The following FOCAD variants were observed in gnomAD, a reference collection of about 807,000 sequenced individuals.
FOCAD encodes KIAA1797.
A neutral mutation model predicts 225.6 loss-of-function variants in FOCAD; 198 were observed. The observed-to-expected ratio is 0.88, with a 90% CI of 0.78 to 0.99. The LOEUF (loss-of-function observed/expected upper bound fraction) is 0.99. Ranked by LOEUF, FOCAD falls within the 50% of genes least tolerant of loss-of-function variation. The probability of loss-of-function intolerance (pLI) is 0.00; values close to 1 mark genes in which losing one functional copy is unlikely to be tolerated. For synonymous variants in FOCAD, 897 were observed against 755.0 expected (o/e 1.19, Z -3.08); for missense variants, 2,713 against 2,123.6 (o/e 1.28, Z -5.46).
chr9:20,826,788 C>CG (rs1824937893), intron 15 of FOCAD, among the ~76,000 whole-genome samples: 1 of 152,032 alleles, frequency 6.6e-6, no homozygotes, highest in South Asian at 2.1e-4. Flanking sequence ...TGGTTACTCC[C>CG]GGGCTTGTTT....
intron 2 of FOCAD, among the ~76,000 whole-genome samples, chr9:20,668,187 T>G (rs1821951289): frequency 6.6e-6 from 1 of 152,214 alleles, no homozygotes; most frequent in African/African-American, 2.4e-5. Flanking sequence ...AAATTTCCCT[T>G]TGTTTTCCTC....
intron 27 of FOCAD, among the ~76,000 whole-genome samples, chr9:20,930,943 C>G (rs1370837400): frequency 6.6e-6 from 1 of 152,164 alleles, no homozygotes; most frequent in South Asian, 2.1e-4. Flanking sequence ...AAATGACAGT[C>G]TCTCCACCAT....
chr9:20,828,013 A>G (rs980721518), intron 15 of FOCAD, among the ~76,000 whole-genome samples: 10 of 152,018 alleles, frequency 6.6e-5, no homozygotes, highest in Non-Finnish European at 1.5e-4. Context: ...CTCTATAAAA[A>G]TATGAAAAAT....
At chr9:20,822,246 G>A (rs1824414099) in intron 14 of FOCAD, among the ~76,000 whole-genome samples, 2 of 151,782 alleles carry the variant, frequency 1.3e-5, no homozygotes, top group South Asian at 2.1e-4. Context: ...TTTTCATTTT[G>A]GAAAATTATT....
At chr9:20,788,258 A>G (rs891921817) in intron 10 of FOCAD, among the ~76,000 whole-genome samples, 3 of 152,214 alleles carry the variant, frequency 2.0e-5, no homozygotes, top group African/African-American at 7.2e-5. Context: ...AATGACCAGT[A>G]TGGAACCAGA....
At chr9:20,953,102 C>A (rs1337275890) in intron 35 of FOCAD, 37 bp downstream of exon 35, 1 of 1,522,584 alleles carries the variant, frequency 6.6e-7, no homozygotes. Context: ...ATCATTCTAT[C>A]TCCATGTTGT....
chr9:20,819,395 G>C (rs180792958), intron 11 of FOCAD, among the ~76,000 whole-genome samples: 1 of 151,910 alleles, frequency 6.6e-6, no homozygotes, highest in Non-Finnish European at 1.5e-5. Flanking sequence ...AAAGTTTTTT[G>C]TAGAGACAGG....
chr9:20,658,085 TGCTCAGG>T (rs1437459006), upstream of FOCAD, among the ~76,000 whole-genome samples: 1 of 148,526 alleles, frequency 6.7e-6, no homozygotes, highest in Non-Finnish European at 1.5e-5. Context: ...CCAGTTAGGC[TGCTCAGG>T]GGTCAGGGGT....
chr9:20,944,493 C>T (rs942622435), intron 28 of FOCAD, 134 bp from the exon 29 acceptor site: 4 of 877,266 alleles, frequency 4.6e-6, no homozygotes, highest in Non-Finnish European at 7.0e-6. Flanking sequence ...TGGGGCACAC[C>T]ATCTACTAGG....
intron 31 of FOCAD, 23 bp from the exon 32 acceptor site, chr9:20,948,828 A>C: frequency 6.2e-7 from 1 of 1,612,248 alleles, no homozygotes; most frequent in African/African-American, 1.3e-5. Flanking sequence ...CCCTCTTTTC[A>C]TATTCTGATG....
At position 20,855,764 on chromosome 9, in the gene FOCAD, C is replaced by G. The variant is rs189497617; in HGVS notation, c.1921-6814C>G. 3.9e-3 allele frequency among the ~76,000 whole-genome samples: 585 copies of G among 150,418 alleles called. 4 individuals are homozygous for G. Among genetic ancestry groups the G allele is most frequent in the African/African-American group, 0.013 (552 of 41,182 alleles). On this transcript the variant is annotated intron_variant, in intron 15 of 43. Coordinates refer to ENST00000338382, the MANE Select transcript of FOCAD (RefSeq NM_001375567.1). ...CCAGCTCCTTGCCACCCTTTGCAGC[C>G]TCTGTTAACCATCATTTTACCCCTA... is the stretch of plus-strand genomic sequence containing the variant.
intron 7 of FOCAD, among the ~76,000 whole-genome samples, chr9:20,765,902 A>C (rs1339429878): frequency 6.6e-6 from 1 of 152,202 alleles, no homozygotes; most frequent in Non-Finnish European, 1.5e-5. Context: ...ACTTGAGGTC[A>C]CACATGACCT....
intron 2 of FOCAD, among the ~76,000 whole-genome samples, chr9:20,677,561 G>T (rs1822271350): frequency 6.6e-6 from 1 of 151,962 alleles, no homozygotes; most frequent in Non-Finnish European, 1.5e-5. Context: ...GGACCTGATA[G>T]ACATTTCTCC....
chr9:20,968,562 C>T (rs1178185129), intron 35 of FOCAD, among the ~76,000 whole-genome samples: 1 of 150,268 alleles, frequency 6.7e-6, no homozygotes, highest in East Asian at 2.0e-4. Flanking sequence ...CTGCCTCAGC[C>T]TCCTGAGTAG....
intron 14 of FOCAD, 128 bp downstream of exon 14, chr9:20,821,199 A>C: frequency 1.3e-6 from 1 of 748,444 alleles, no homozygotes; most frequent in Non-Finnish European, 1.9e-6. Context: ...TTTTTAACTT[A>C]AGTTTTCTGA....
intron 1 of FOCAD, among the ~76,000 whole-genome samples, chr9:20,693,405 G>T (rs1255085802): frequency 1.3e-5 from 2 of 152,038 alleles, no homozygotes; most frequent in Non-Finnish European, 2.9e-5. Context: ...CTCCACTCTG[G>T]TTTACTTTTA....
At chr9:20,699,732 C>A (rs1282187351) in intron 1 of FOCAD, among the ~76,000 whole-genome samples, 2 of 66,554 alleles carry the variant, frequency 3.0e-5, no homozygotes, top group Non-Finnish European at 5.1e-5. Context: ...AGCAAGACTC[C>A]GTCTCAAAAA....
chr9:20,716,640 C>T (rs1313809293), intron 2 of FOCAD, among the ~76,000 whole-genome samples: 1 of 151,976 alleles, frequency 6.6e-6, no homozygotes, highest in Non-Finnish European at 1.5e-5. Context: ...TGATTGTGTC[C>T]TGTCCTTTGC....
chr9:20,944,853 T>C, intron 29 of FOCAD, 79 bp downstream of exon 29: 3 of 1,402,910 alleles, frequency 2.1e-6, no homozygotes, highest in Non-Finnish European at 2.9e-6. Flanking sequence ...ACTTACCATA[T>C]TTTGGTAACC....
Sources: gnomAD v4.1 joint callset for allele counts (sites outside exome capture counted in the v4.1 genomes callset) on GRCh38, gnomAD v4.1.1 for gene constraint, MANE v1.5 for transcripts, NCBI Gene and HGNC (gene_info 2026-07-23, HGNC 2026-07-21) for gene names.